Variants in SCGB3A2 observed in about 807,000 individuals in gnomAD.
The protein encoded by SCGB3A2 is pneumo secretory protein 1.
SCGB3A2 carries 5 observed loss-of-function variants against 7.7 expected under a neutral mutation model. The ratio of observed to expected loss-of-function variants is 0.65; its 90% CI spans 0.34 to 1.36. SCGB3A2 has a LOEUF of 1.36. SCGB3A2 is among the 40% of genes most tolerant of loss of function. The probability of loss-of-function intolerance (pLI) is 0.04; values close to 1 mark genes in which losing one functional copy is unlikely to be tolerated. For missense variants in SCGB3A2, 109 were observed against 103.6 expected (o/e 1.05, Z -0.23); for synonymous variants, 44 against 42.7 (o/e 1.03, Z -0.12).
intron 1 of SCGB3A2, among the ~76,000 whole-genome samples, chr5:147,880,148 C>T (rs193060086): frequency 1.4e-3 from 215 of 152,236 alleles, no homozygotes; most frequent in African/African-American, 4.9e-3. Flanking sequence ...TGTGTTCTTA[C>T]GTGTGTGCTC....
chr5:147,878,893 T>G, intron 1 of SCGB3A2, 35 bp downstream of exon 1: 1 of 1,459,888 alleles, frequency 6.8e-7, no homozygotes, highest in East Asian at 2.3e-5. Context: ...ATATGTGACA[T>G]TTCTTTACTT....
rs1255656754 is a variant in SCGB3A2, at chr5:147,882,100, T to C, written c.*50T>C. ...ATGGGGATGGAAGATGATGCTCCTA[T>C]CCTCCCTGCCTGAAACCTGTTCTAC... is the stretch of plus-strand genomic sequence containing the variant. On this transcript the variant is annotated 3_prime_UTR_variant, in exon 3 of 3. Coordinates refer to ENST00000296694, the MANE Select transcript of SCGB3A2 (RefSeq NM_054023.5). 9.4e-6 allele frequency: 15 copies of C among 1,589,262 alleles called. No homozygotes were observed. The highest frequency in any genetic ancestry group is 1.3e-5 in the Non-Finnish European group (15 of 1,157,918).
Position 147,882,104 on chromosome 5 carries a change from C to T in SCGB3A2, c.*54C>T. On this transcript the variant is annotated 3_prime_UTR_variant, in exon 3 of 3. Coordinates refer to ENST00000296694, the MANE Select transcript of SCGB3A2 (RefSeq NM_054023.5). ...GGATGGAAGATGATGCTCCTATCCT[C>T]CCTGCCTGAAACCTGTTCTACCAAT... 6.4e-7 allele frequency: 1 copy of T among 1,572,570 alleles called. No individual in the cohort carries two copies. The highest frequency in any genetic ancestry group is 8.8e-7 in the Non-Finnish European group (1 of 1,142,644).
intron 1 of SCGB3A2, among the ~76,000 whole-genome samples, chr5:147,879,196 A>T (rs1282089454): frequency 1.3e-5 from 2 of 152,182 alleles, no homozygotes; most frequent in African/African-American, 4.8e-5. Flanking sequence ...ATTGGTCACC[A>T]TTCGTTTTTC....
chr5:147,880,277 A>C (rs1580974384), intron 1 of SCGB3A2, among the ~76,000 whole-genome samples: 1 of 152,258 alleles, frequency 6.6e-6, no homozygotes, highest in East Asian at 1.9e-4. Flanking sequence ...TATCTTCCTA[A>C]AGCCAAAGAT....
rs771584795 is a variant in SCGB3A2 at position 147,881,514 on chromosome 5, A to G, written c.124A>G (p.Ile42Val). ...GTTGGCACCTTTACCTCTGGACAAC[A>G]TTCTTCCCTTTATGGATCCATTAAA... is the stretch of plus-strand genomic sequence containing the variant. ...DKLAPLPLDN[I>V]LPFMDPLKLL... The change falls in exon 2 of 3, where the codon ATT becomes GTT. Residue 42 changes from isoleucine (I) to valine (V), a missense_variant. Transcript: ENST00000296694. The G allele has an allele frequency of 5.0e-6, 8 of 1,614,058 alleles. No individual in the cohort carries two copies. Among genetic ancestry groups the G allele is most frequent in the South Asian group, 3.3e-5 (3 of 91,080 alleles).
At chr5:147,879,841 A>G (rs1757317631) in intron 1 of SCGB3A2, among the ~76,000 whole-genome samples, 1 of 152,200 alleles carries the variant, frequency 6.6e-6, no homozygotes, top group Non-Finnish European at 1.5e-5. Context: ...CCACACCTAC[A>G]ATGGCAACTT....
At chr5:147,880,116 G>T (rs1757322607) in intron 1 of SCGB3A2, among the ~76,000 whole-genome samples, 1 of 152,160 alleles carries the variant, frequency 6.6e-6, no homozygotes. Context: ...AACTATGGCA[G>T]GTCTTAGCCA....
chr5:147,882,046 T>A lies in SCGB3A2; in HGVS notation c.278T>A (p.Val93Glu). ...KKLLEALSHL[V>E] is the part of the protein sequence containing the mutation. ...TTTCAGGAGGCGCTATCACACTTGG[T>A]GTGACATCAAGATAAAGAGCGGAGG... Residue 93 changes from valine (V) to glutamate (E), a missense_variant, in exon 3 of 3, where the codon GTG (valine) becomes GAG (glutamate). Transcript: ENST00000296694. 6.2e-7 allele frequency: 1 copy of A among 1,613,836 alleles called. No homozygotes were observed.
At position 147,882,047 on chromosome 5, in the gene SCGB3A2, G is replaced by A. The variant is rs34212847; in HGVS notation, c.279G>A (p.Val93=). ...KKLLEALSHL[V] ...TTCAGGAGGCGCTATCACACTTGGT[G>A]TGACATCAAGATAAAGAGCGGAGGT... The change falls in exon 3 of 3, where the codon GTG becomes GTA. Residue 93 remains valine, a synonymous_variant. Coordinates refer to ENST00000296694, the MANE Select transcript of SCGB3A2 (RefSeq NM_054023.5). 15,195 of 1,613,824 alleles carry A rather than the reference G, an allele frequency of 9.4e-3. 439 individuals are homozygous for A. The East Asian group carries it at 0.095, about 10-fold the overall frequency.
intron 1 of SCGB3A2, chr5:147,881,160 A>G: frequency 5.9e-6 from 2 of 340,800 alleles, no homozygotes; most frequent in Non-Finnish European, 1.1e-5. Context: ...TAATGGTAAG[A>G]AAAAATAAAT....
intron 1 of SCGB3A2, chr5:147,880,641 T>G (rs1379821722): frequency 6.6e-6 from 1 of 152,288 alleles, no homozygotes; most frequent in African/African-American, 2.4e-5. Flanking sequence ...GCAGCACTCT[T>G]TCATGTTAGA....
chr5:147,879,805 A>G (rs777941919), intron 1 of SCGB3A2, among the ~76,000 whole-genome samples: 5 of 152,224 alleles, frequency 3.3e-5, no homozygotes, highest in Non-Finnish European at 7.3e-5. Context: ...AAGTATGGAG[A>G]TTAATAATGA....
chr5:147,881,617 C>T lies in SCGB3A2; in HGVS notation c.227C>T (p.Pro76Leu). 1 of 1,613,774 alleles carries T rather than the reference C, an allele frequency of 6.2e-7. No homozygotes were observed. The highest frequency in any genetic ancestry group is 8.5e-7 in the Non-Finnish European group (1 of 1,179,860). Reference protein sequence around the residue: ...GLRKCVNELGPEASEAVKKLL... With the variant: ...GLRKCVNELGLEASEAVKKLL... ...AGGAAGTGTGTAAATGAGCTGGGAC[C>T]AGAGGCTTCTGAAGCTGTGAAGAAA... is the stretch of plus-strand genomic sequence containing the variant. The change falls in exon 2 of 3, where the codon CCA (proline) becomes CTA (leucine). Residue 76 changes from proline (P) to leucine (L), a missense_variant. Coordinates refer to ENST00000296694, the MANE Select transcript of SCGB3A2 (RefSeq NM_054023.5).
chr5:147,878,981 T>TA (rs113872538), intron 1 of SCGB3A2, 123 bp downstream of exon 1: 1 of 698,896 alleles, frequency 1.4e-6, no homozygotes, highest in East Asian at 2.6e-5. Context: ...TATTTTTTTT[T>TA]ATTTTACTTT....
intron 1 of SCGB3A2, among the ~76,000 whole-genome samples, chr5:147,879,754 A>G (rs1757316564): frequency 6.6e-6 from 1 of 152,226 alleles, no homozygotes; most frequent in Non-Finnish European, 1.5e-5. Flanking sequence ...GAAGCTGTAA[A>G]CACATACAGA....
In SCGB3A2 at chr5:147,881,590, T is replaced by C; in HGVS notation, c.200T>C (p.Leu67Pro). Reference protein sequence around the residue: ...GISVEHLVEGLRKCVNELGPE... With the variant: ...GISVEHLVEGPRKCVNELGPE... ...TCTGTTGAGCACCTTGTGGAGGGGCTAAGGAAGTGTGTAAATGAGCTGGGA... is the reference window on the plus strand; with the variant it reads ...TCTGTTGAGCACCTTGTGGAGGGGCCAAGGAAGTGTGTAAATGAGCTGGGA... The change falls in exon 2 of 3, where the codon CTA becomes CCA. Residue 67 changes from leucine (L) to proline (P), a missense_variant. Physicochemically the swap from Leu to Pro is moderately conservative, Grantham distance 98 (BLOSUM62 -3). Transcript: ENST00000296694. 1 of 1,613,930 alleles carries C rather than the reference T, an allele frequency of 6.2e-7. No individual in the cohort carries two copies. Among genetic ancestry groups the C allele is most frequent in the Non-Finnish European group, 8.5e-7 (1 of 1,179,884 alleles).
intron 2 of SCGB3A2, 152 bp downstream of exon 2, chr5:147,881,800 C>A (rs1273835654): frequency 5.1e-6 from 4 of 784,230 alleles, no homozygotes; most frequent in Non-Finnish European, 8.1e-6. Flanking sequence ...AGGAAAAATA[C>A]AATTTCTACA....
chr5:147,880,149 G>A (rs950616042), intron 1 of SCGB3A2, among the ~76,000 whole-genome samples: 6 of 152,160 alleles, frequency 3.9e-5, no homozygotes, highest in Non-Finnish European at 4.4e-5. Context: ...GTGTTCTTAC[G>A]TGTGTGCTCA....
Sources: gnomAD v4.1 joint callset for allele counts (sites outside exome capture counted in the v4.1 genomes callset) on GRCh38, gnomAD v4.1.1 for gene constraint, MANE v1.5 for transcripts, NCBI Gene and HGNC (gene_info 2026-07-23, HGNC 2026-07-21) for gene names.